IP6K1: variants seen among roughly 807,000 people sequenced by gnomAD.
The protein encoded by IP6K1 is inositol hexakisphosphate kinase 1, also known as ATP:1D-myo-inositol-hexakisphosphate phosphotransferase.
Under a neutral mutation model 38.3 loss-of-function variants are expected in IP6K1, and 13 were observed. The ratio of observed to expected loss-of-function variants is 0.34; its 90% CI spans 0.22 to 0.54. The LOEUF (loss-of-function observed/expected upper bound fraction) is 0.54, where lower values mean the gene tolerates loss of function less well. Among genes scored for constraint, IP6K1 ranks in the 20% least tolerant of loss-of-function variants. The pLI is 0.92. For missense variants in IP6K1, 397 were observed against 599.8 expected, an observed-to-expected ratio of 0.66 and a Z score of 3.53; for synonymous variants, 212 against 229.9, an observed-to-expected ratio of 0.92 and a Z score of 0.70.
At chr3:49,776,779 T>C (rs377294252) in intron 1 of IP6K1, among the ~76,000 whole-genome samples, 2 of 152,136 alleles carry the variant, frequency 1.3e-5, no homozygotes, top group Non-Finnish European at 2.9e-5. Context: ...CTGTGAATAA[T>C]GAGGATCGAC....
chr3:49,739,725 C>T (rs946170731), intron 2 of IP6K1, among the ~76,000 whole-genome samples: 1 of 152,132 alleles, frequency 6.6e-6, no homozygotes, highest in Admixed American at 6.6e-5. Flanking sequence ...GCCATCATAG[C>T]TCACTACAAC....
rs2081091295 is a variant in IP6K1 at position 49,784,149 on chromosome 3, CCA to C, written c.-129+2203_-129+2204del. Among the ~76,000 whole-genome samples, 3 of 152,002 alleles carry C rather than the reference CCA, an allele frequency of 2.0e-5. No individual in the cohort carries two copies. The South Asian group carries it at 6.2e-4, about 32-fold the overall frequency. On this transcript the variant is annotated intron_variant, in intron 1 of 5. Coordinates refer to ENST00000321599, the MANE Select transcript of IP6K1 (RefSeq NM_153273.4). ...CTCCTGCCTCAGCCTCCATGCACCA[CCA>C]CGCCCAGCTAATTTTTGTATTTTTA... is the stretch of plus-strand genomic sequence containing the variant.
At chr3:49,737,953 T>C (rs1018497169) in intron 3 of IP6K1, among the ~76,000 whole-genome samples, 1 of 152,222 alleles carries the variant, frequency 6.6e-6, no homozygotes, top group East Asian at 1.9e-4. Flanking sequence ...GAGAACCTTT[T>C]GTCACCAGCA....
At position 49,732,782 on chromosome 3, in the gene IP6K1, C is replaced by T. The variant is rs1290711265; in HGVS notation, c.616+9G>A. ...GTAGACACTCCTGAAGGAGGGGCAA[C>T]GAGGATACTGTAGAGCTTTCGGTCC... On this transcript the variant is annotated intron_variant, in intron 4 of 5. Coordinates refer to ENST00000321599, the MANE Select transcript of IP6K1 (RefSeq NM_153273.4). 9 of 1,605,286 alleles carry T rather than the reference C, an allele frequency of 5.6e-6. No individual in the cohort carries two copies. The highest frequency in any genetic ancestry group is 1.7e-5 in the Admixed American group (1 of 59,722).
chr3:49,737,628 G>A (rs541319192), intron 3 of IP6K1, among the ~76,000 whole-genome samples: 1 of 152,346 alleles, frequency 6.6e-6, no homozygotes, highest in Non-Finnish European at 1.5e-5. Context: ...AGAGGTTGCA[G>A]TGACGCAAGA....
intron 1 of IP6K1, among the ~76,000 whole-genome samples, chr3:49,774,276 C>T (rs1370750503): frequency 9.9e-5 from 15 of 151,446 alleles, no homozygotes; most frequent in African/African-American, 3.4e-4. Context: ...GGTGCGGTGG[C>T]GGGTGCCTGT....
intron 1 of IP6K1, among the ~76,000 whole-genome samples, chr3:49,780,043 T>C (rs1179030079): frequency 1.3e-5 from 2 of 152,112 alleles, no homozygotes; most frequent in African/African-American, 2.4e-5. Context: ...CATTGAATTT[T>C]AGACTTGAAA....
chr3:49,747,624 T>C (rs1297451748), intron 2 of IP6K1, among the ~76,000 whole-genome samples, 194 bp downstream of exon 2: 1 of 152,226 alleles, frequency 6.6e-6, no homozygotes, highest in Non-Finnish European at 1.5e-5. Flanking sequence ...CTTTACCTAT[T>C]AATAAATTCA....
chr3:49,765,264 A>G (rs1177372220), intron 1 of IP6K1, among the ~76,000 whole-genome samples: 2 of 152,164 alleles, frequency 1.3e-5, no homozygotes, highest in African/African-American at 4.8e-5. Flanking sequence ...CCTTCAGGCT[A>G]AAATGAAGGG....
chr3:49,727,283 A>C lies in IP6K1; in HGVS notation c.1165T>G (p.Ser389Ala), dbSNP rs1330318555. 2 of 1,614,028 alleles carry C rather than the reference A, an allele frequency of 1.2e-6. No individual in the cohort carries two copies. The highest frequency in any genetic ancestry group is 4.5e-5 in the East Asian group (2 of 44,892). Reference protein sequence around the residue: ...SNTSPEAGPSSQPKVDVRMID... With the variant: ...SNTSPEAGPSAQPKVDVRMID... ...ATGCGGACATCCACCTTGGGCTGAG[A>C]GGAGGGACCCGCCTCGGGGCTGGTG... The change falls in exon 6 of 6, where the codon TCT becomes GCT. Residue 389 changes from serine (S) to alanine (A), a missense_variant. Transcript: ENST00000321599. The surrounding 1 kb of genome is among the most constrained non-coding windows in gnomAD (Gnocchi z 5.9).
intron 1 of IP6K1, among the ~76,000 whole-genome samples, chr3:49,766,177 AAAAAAC>A (rs910391166): frequency 3.9e-4 from 60 of 152,216 alleles, no homozygotes; most frequent in Middle Eastern, 6.8e-3. Context: ...CTCCATCTCA[AAAAAAC>A]AAAAACAAAA....
chr3:49,770,913 C>T (rs2080952092), intron 1 of IP6K1, among the ~76,000 whole-genome samples: 1 of 151,998 alleles, frequency 6.6e-6, no homozygotes, highest in Admixed American at 6.6e-5. Context: ...AGTTCAGGAT[C>T]AGCCTGGGCA....
intron 4 of IP6K1, among the ~76,000 whole-genome samples, chr3:49,730,609 C>G (rs1160054664): frequency 6.6e-6 from 1 of 152,148 alleles, no homozygotes; most frequent in Non-Finnish European, 1.5e-5. Context: ...TGCAGTAGCA[C>G]AATTTCAGCT....
chr3:49,732,743 G>C (rs368077376), intron 4 of IP6K1, 48 bp downstream of exon 4: 10 of 1,498,838 alleles, frequency 6.7e-6, no homozygotes, highest in Non-Finnish European at 9.1e-6. Context: ...CCCAACACAC[G>C]ACCTATGGAC....
intron 1 of IP6K1, among the ~76,000 whole-genome samples, chr3:49,777,807 C>T (rs974889424): frequency 9.9e-5 from 15 of 151,304 alleles, no homozygotes; most frequent in Admixed American, 9.9e-4. Flanking sequence ...CCCAGCTACT[C>T]GGGAGGCGAA....
chr3:49,754,909 T>C (rs2080808983), intron 1 of IP6K1, among the ~76,000 whole-genome samples: 1 of 143,112 alleles, frequency 7.0e-6, no homozygotes, highest in South Asian at 2.3e-4. Flanking sequence ...ATTAACCACT[T>C]GGGTTTGATA....
chr3:49,776,456 G>A (rs748864172), intron 1 of IP6K1, among the ~76,000 whole-genome samples: 1 of 151,954 alleles, frequency 6.6e-6, no homozygotes, highest in Non-Finnish European at 1.5e-5. Flanking sequence ...GGCGGAGGTT[G>A]CAGTGAGCCG....
In IP6K1 at chr3:49,727,580, G is replaced by A. The variant is rs150703602; in HGVS notation, c.868C>T (p.Arg290Cys). The A allele has an allele frequency of 3.4e-5, 55 of 1,614,046 alleles. No individual in the cohort carries two copies. In the Middle Eastern group the frequency reaches 8.2e-4, roughly 24 times the overall value. The change falls in exon 6 of 6, where the codon CGC (arginine) becomes TGC (cysteine). Residue 290 changes from arginine to cysteine, a missense_variant. This residue lies in a region of IP6K1 where 164 missense variants were observed against 213.5 expected (regional missense o/e 0.77). Coordinates refer to ENST00000321599, the MANE Select transcript of IP6K1 (RefSeq NM_153273.4). This position sits in a 1 kb window ranked among gnomAD's most constrained non-coding sequence, Gnocchi z 5.9. ...YGRGLSIEGF[R>C]NALYQYLHNG... ...TGCAGATATTGATAGAGGGCATTGC[G>A]GAAGCCTTCAATGGAGAGCCCACGG...
At chr3:49,730,625 CAA>C (rs1182291921) in intron 4 of IP6K1, among the ~76,000 whole-genome samples, 1 of 152,178 alleles carries the variant, frequency 6.6e-6, no homozygotes, top group African/African-American at 2.4e-5. Flanking sequence ...CAGCTCACTG[CAA>C]CCTCTGCCTC....
Sources: allele counts gnomAD v4.1 joint callset (sites outside exome capture counted in the v4.1 genomes callset), GRCh38; gene constraint gnomAD v4.1.1; regional missense constraint gnomAD v4.1.1; non-coding constraint Gnocchi (gnomAD v3.1); transcripts MANE v1.5; gene names NCBI Gene and HGNC (gene_info 2026-07-23, HGNC 2026-07-21).